The following NXPH1 variants were observed in gnomAD, a reference collection of about 807,000 sequenced individuals.
NXPH1 encodes the protein neurexophilin 1.
In NXPH1, 5 loss-of-function variants were observed where a neutral mutation model predicts 23.7. The observed-to-expected ratio is 0.21, with a 90% CI of 0.11 to 0.44. The LOEUF (loss-of-function observed/expected upper bound fraction) is 0.44. Among genes scored for constraint, NXPH1 ranks in the 20% least tolerant of loss-of-function variants. The pLI, the probability that NXPH1 is intolerant of heterozygous loss-of-function variation, is 0.99. For missense variants in NXPH1, 324 were observed against 321.6 expected (o/e 1.01, Z -0.06); for synonymous variants, 144 against 122.2 (o/e 1.18, Z -1.18).
At chr7:8,557,915 C>T (rs993659213) in intron 2 of NXPH1, among the ~76,000 whole-genome samples, 2 of 151,752 alleles carry the variant, frequency 1.3e-5, no homozygotes, top group East Asian at 3.9e-4. Context: ...ACTTTCTGAT[C>T]AGTTCCTCCC....
intron 2 of NXPH1, among the ~76,000 whole-genome samples, chr7:8,530,728 G>T (rs910961771): frequency 6.6e-6 from 1 of 152,196 alleles, no homozygotes; most frequent in Non-Finnish European, 1.5e-5. Flanking sequence ...TTGCCCAATT[G>T]TCAGCCCTGC....
chr7:8,533,229 T>C (rs921780412), intron 2 of NXPH1, among the ~76,000 whole-genome samples: 1 of 152,176 alleles, frequency 6.6e-6, no homozygotes, highest in African/African-American at 2.4e-5. Flanking sequence ...AGATCACCTA[T>C]CTTTTTTTCT....
chr7:8,515,102 A>T (rs2128614644), intron 2 of NXPH1, among the ~76,000 whole-genome samples: 1 of 152,198 alleles, frequency 6.6e-6, no homozygotes. Context: ...TAAGAAAGAG[A>T]GATTATAGTT....
intron 2 of NXPH1, among the ~76,000 whole-genome samples, chr7:8,537,467 T>A (rs1315461599): frequency 6.6e-6 from 1 of 151,926 alleles, no homozygotes; most frequent in Non-Finnish European, 1.5e-5. Context: ...GGAGAAGTGC[T>A]GAGCAAAGGG....
chr7:8,484,382 A>G (rs532287963), intron 2 of NXPH1, among the ~76,000 whole-genome samples: 3 of 152,132 alleles, frequency 2.0e-5, no homozygotes, highest in African/African-American at 7.2e-5. Context: ...CTACACCATC[A>G]AGCAGGATGA....
At chr7:8,579,696 A>T (rs1452527663) in intron 2 of NXPH1, among the ~76,000 whole-genome samples, 1 of 152,230 alleles carries the variant, frequency 6.6e-6, no homozygotes, top group East Asian at 1.9e-4. Context: ...ATGACACAAA[A>T]TTCAGAATGT....
At chr7:8,609,828 A>G (rs933696905) in intron 2 of NXPH1, among the ~76,000 whole-genome samples, 5 of 152,150 alleles carry the variant, frequency 3.3e-5, no homozygotes, top group African/African-American at 1.2e-4. Context: ...TTGCTGTTCT[A>G]AGGGAGAATT....
chr7:8,462,133 C>T (rs1816706467), intron 2 of NXPH1, among the ~76,000 whole-genome samples: 1 of 152,130 alleles, frequency 6.6e-6, no homozygotes, highest in Non-Finnish European at 1.5e-5. Flanking sequence ...ACAGCAACCC[C>T]TGCCTCATGG....
At position 8,671,539 on chromosome 7, in the gene NXPH1, A is replaced by G. The variant is rs1820869296; in HGVS notation, c.55-79469A>G. 2.0e-5 allele frequency among the ~76,000 whole-genome samples: 3 copies of G among 152,304 alleles called. No homozygotes were observed. The South Asian group carries it at 6.2e-4, about 32-fold the overall frequency. On this transcript the variant is annotated intron_variant, in intron 2 of 2. Coordinates refer to ENST00000405863, the MANE Select transcript of NXPH1 (RefSeq NM_152745.3). ...TTACCTTCCATTAAGGTCTTTAAAA[A>G]CAGAATGGCTATTTATATTTCTTGA...
At position 8,502,944 on chromosome 7, in the gene NXPH1, T is replaced by C. The variant is rs1177229997; in HGVS notation, c.54+67177T>C. On this transcript the variant is annotated intron_variant, in intron 2 of 2. Transcript: ENST00000405863. ...CACTTCATGATGCACAAGGTAGTAC[T>C]AGAGAACCCATCCATGGTAAGGGCT... Among the ~76,000 whole-genome samples, 3 of 151,962 alleles carry C rather than the reference T, an allele frequency of 2.0e-5. No homozygotes were observed. The East Asian group carries it at 5.8e-4, about 29-fold the overall frequency.
chr7:8,747,643 G>C (rs907904819), intron 2 of NXPH1, among the ~76,000 whole-genome samples: 2 of 152,212 alleles, frequency 1.3e-5, no homozygotes, highest in African/African-American at 4.8e-5. Flanking sequence ...GCAAAAGCCA[G>C]AGAAGAGGAT....
intron 2 of NXPH1, among the ~76,000 whole-genome samples, chr7:8,745,691 T>A (rs1780456413): frequency 6.6e-6 from 1 of 150,556 alleles, no homozygotes; most frequent in Non-Finnish European, 1.5e-5. Context: ...TTGCTGGGAC[T>A]ACAGGCATGT....
chr7:8,623,758 T>G (rs1425067012), intron 2 of NXPH1, among the ~76,000 whole-genome samples: 1 of 137,784 alleles, frequency 7.3e-6, no homozygotes, highest in Non-Finnish European at 1.5e-5. Context: ...TATATGTATA[T>G]GCATATGTGT....
At chr7:8,596,130 T>A (rs1437200775) in intron 2 of NXPH1, among the ~76,000 whole-genome samples, 1 of 152,086 alleles carries the variant, frequency 6.6e-6, no homozygotes, top group Non-Finnish European at 1.5e-5. Context: ...TTTATACTTA[T>A]AAAATTAGTT....
At chr7:8,500,445 G>C (rs189867482) in intron 2 of NXPH1, among the ~76,000 whole-genome samples, 3 of 152,202 alleles carry the variant, frequency 2.0e-5, no homozygotes, top group African/African-American at 7.2e-5. Flanking sequence ...CTAGCTGTGT[G>C]ACCTTGGGCA....
chr7:8,658,716 T>A (rs889983147), intron 2 of NXPH1, among the ~76,000 whole-genome samples: 1 of 152,282 alleles, frequency 6.6e-6, no homozygotes, highest in South Asian at 2.1e-4. Context: ...TATTTTATAG[T>A]GTTACGTATC....
intron 2 of NXPH1, among the ~76,000 whole-genome samples, chr7:8,560,850 G>C (rs1483770744): frequency 6.6e-6 from 1 of 151,662 alleles, no homozygotes; most frequent in Non-Finnish European, 1.5e-5. Flanking sequence ...AACACTAGAA[G>C]CTTGTTCTCC....
At chr7:8,545,573 A>G (rs1162451297) in intron 2 of NXPH1, among the ~76,000 whole-genome samples, 1 of 151,466 alleles carries the variant, frequency 6.6e-6, no homozygotes, top group Non-Finnish European at 1.5e-5. Flanking sequence ...TAATCTGCAA[A>G]TAACTTTCTT....
chr7:8,646,669 G>GT (rs543165823), intron 2 of NXPH1, among the ~76,000 whole-genome samples: 2 of 151,944 alleles, frequency 1.3e-5, no homozygotes, highest in East Asian at 3.9e-4. Context: ...TTTATAATAT[G>GT]TTTTTCCTAT....
Sources: allele counts gnomAD v4.1 joint callset (sites outside exome capture counted in the v4.1 genomes callset), GRCh38; gene constraint gnomAD v4.1.1; transcripts MANE v1.5; gene names NCBI Gene and HGNC (gene_info 2026-07-23, HGNC 2026-07-21).